PLA2G6: variants seen among roughly 807,000 people sequenced by gnomAD.
The protein encoded by PLA2G6 is 85/88 kDa calcium-independent phospholipase A2.
Under a neutral mutation model 83.8 loss-of-function variants are expected in PLA2G6, and 62 were observed. The observed-to-expected ratio is 0.74, with a 90% CI of 0.60 to 0.91. The LOEUF is 0.91. Among genes scored for constraint, PLA2G6 ranks in the 40% least tolerant of loss-of-function variants. The pLI, the probability that PLA2G6 is intolerant of heterozygous loss-of-function variation, is 0.00. For missense variants in PLA2G6, 944 were observed against 1,102.0 expected, an observed-to-expected ratio of 0.86 and a Z score of 2.03; for synonymous variants, 417 against 449.8, an observed-to-expected ratio of 0.93 and a Z score of 0.92.
chr22:38,127,287 A>G, intron 9 of PLA2G6: 1 of 1,252,528 alleles, frequency 8.0e-7, no homozygotes. Context: ...GGCCGGGGAC[A>G]GGGTGCAGGG....
In PLA2G6 at chr22:38,181,676, G is replaced by A. The variant is rs1051805575; in HGVS notation, c.-58C>T. 2 of 152,280 alleles carry A rather than the reference G, an allele frequency of 1.3e-5. No homozygotes were observed. Among genetic ancestry groups the A allele is most frequent in the African/African-American group, 4.8e-5 (2 of 41,466 alleles). 9.4% of individuals were successfully genotyped at this position (152,280 alleles called of 1,614,324 possible). On this transcript the variant is annotated 5_prime_UTR_variant, in exon 1 of 17. Transcript: ENST00000332509. The stretch of plus-strand genomic sequence containing the variant: ...ATGGAGGACATGCCTCAGAATCGGA[G>A]ACACGAGGAATATCCAAAGGAGGGT...
chr22:38,129,491 C>T lies in PLA2G6; in HGVS notation c.1149G>A (p.Gly383=), dbSNP rs2088076581. 6.2e-7 allele frequency: 1 copy of T among 1,613,932 alleles called. No individual in the cohort carries two copies. Among genetic ancestry groups the T allele is most frequent in the Non-Finnish European group, 8.5e-7 (1 of 1,179,792 alleles). ...TGGAGGCTAGGAATGTAGGAGTCTC[C>T]CCAAAGTCATTCGGGGTGTCCACTT... The part of the protein sequence containing the change: ...GAEVDTPNDF[G]ETPTFLASKI... The change falls in exon 8 of 17, where the codon GGG becomes GGA. Residue 383 remains glycine, a synonymous_variant. Transcript: ENST00000332509.
chr22:38,111,594 T>G lies in PLA2G6; in HGVS notation c.*567A>C, dbSNP rs2086873642. The G allele has an allele frequency of 5.8e-6, 1 of 172,648 alleles. No homozygotes were observed. 10.7% of individuals were successfully genotyped at this position (172,648 alleles called of 1,614,324 possible). ...AGTGACCTTTGAGAGCTGAGGGTTC[T>G]CGGGGTGGGGCAGTGTGAGGGGCTG... On this transcript the variant is annotated 3_prime_UTR_variant, in exon 17 of 17. Coordinates refer to ENST00000332509, the MANE Select transcript of PLA2G6 (RefSeq NM_003560.4).
chr22:38,145,304 C>A, intron 3 of PLA2G6, 134 bp downstream of exon 3: 1 of 780,056 alleles, frequency 1.3e-6, no homozygotes, highest in Non-Finnish European at 2.2e-6. Context: ...GCTGGGACTG[C>A]GTTAGTGAGC....
chr22:38,128,164 T>A lies in PLA2G6; in HGVS notation c.1348+105A>T. On this transcript the variant is annotated intron_variant, in intron 9 of 16. Transcript: ENST00000332509. This position sits in a 1 kb window ranked among gnomAD's most constrained non-coding sequence, Gnocchi z 4.4. The stretch of plus-strand genomic sequence containing the variant: ...TCCGGCCCCATCCTCCCCGGCTTCC[T>A]TTAGTGACTTCCGTCCTAGGGATCC... 1.6e-6 allele frequency: 2 copies of A among 1,270,764 alleles called. No individual in the cohort carries two copies. Among genetic ancestry groups the A allele is most frequent in the Non-Finnish European group, 2.3e-6 (2 of 876,946 alleles). The allele number at this position is 1,270,764 out of a possible 1,614,324, so 78.7% of individuals were successfully genotyped here. A position where few individuals can be genotyped will look rare whatever the true frequency, so the allele number is the denominator to read the frequency against.
At position 38,128,860 on chromosome 22, in the gene PLA2G6, G is replaced by A. The variant is rs1391097234; in HGVS notation, c.1187-430C>T. 2.0e-5 allele frequency among the ~76,000 whole-genome samples: 3 copies of A among 152,314 alleles called. No homozygotes were observed. The highest frequency in any genetic ancestry group is 4.4e-5 in the Non-Finnish European group (3 of 68,028). ...TTGCTGAAAAGGAGGTCATAGATGC[G>A]GTGCATGCAGACACACACGTGTGCA... On this transcript the variant is annotated intron_variant, in intron 8 of 16. Coordinates refer to ENST00000332509, the MANE Select transcript of PLA2G6 (RefSeq NM_003560.4). The surrounding 1 kb of genome is among the most constrained non-coding windows in gnomAD (Gnocchi z 4.4).
At chr22:38,116,359 C>T (rs1438507471) in intron 12 of PLA2G6, 148 bp from the exon 13 acceptor site, 7 of 858,494 alleles carry the variant, frequency 8.2e-6, no homozygotes, top group East Asian at 2.6e-5. Flanking sequence ...GCACCATCCC[C>T]GCAAAACAGG....
At chr22:38,114,903 C>G (rs937881046) in intron 14 of PLA2G6, among the ~76,000 whole-genome samples, 10 of 152,222 alleles carry the variant, frequency 6.6e-5, no homozygotes, top group Admixed American at 5.2e-4. Flanking sequence ...GGCGCCCTGG[C>G]TCCAGGGTCT....
At chr22:38,127,151 G>A (rs2087909230) in intron 9 of PLA2G6, 2 of 1,141,350 alleles carry the variant, frequency 1.8e-6, no homozygotes, top group African/African-American at 1.6e-5. Flanking sequence ...AACTCTGACA[G>A]CCCCCCACCA....
chr22:38,148,227 G>C, intron 2 of PLA2G6: 1 of 394,608 alleles, frequency 2.5e-6, no homozygotes, highest in Non-Finnish European at 4.7e-6. Context: ...GTGAGAATCT[G>C]AAGATTGCAA....
At chr22:38,145,786 C>CACGCAA in intron 2 of PLA2G6, 133 bp from the exon 3 acceptor site, 1 of 159,952 alleles carries the variant, frequency 6.3e-6, no homozygotes, top group Non-Finnish European at 1.2e-5. Flanking sequence ...CCCAAGCAAA[C>CACGCAA]ACACACACAC....
Position 38,115,670 on chromosome 22 carries a change from A to G in PLA2G6, c.1891T>C (p.Trp631Arg). The G allele has an allele frequency of 6.2e-7, 1 of 1,601,532 alleles. No individual in the cohort carries two copies. Among genetic ancestry groups the G allele is most frequent in the Non-Finnish European group, 8.5e-7 (1 of 1,175,246 alleles). The change falls in exon 14 of 17, where the codon TGG becomes CGG. Residue 631 changes from tryptophan to arginine, a missense_variant. By Grantham distance (101) the Trp-to-Arg change is moderately radical. Coordinates refer to ENST00000332509, the MANE Select transcript of PLA2G6 (RefSeq NM_003560.4). ...GCCCCGCTGCTTCGGGCCGCCCGCC[A>G]CACCAGCTGGTCTAGGGGCGGGGAA... ...PPAQPSDQLVWRAARSSGAAP... is the reference protein window; with the variant it reads ...PPAQPSDQLVRRAARSSGAAP...
Position 38,132,923 on chromosome 22 carries a change from G to T in PLA2G6, c.985C>A (p.Arg329Ser). 6.4e-7 allele frequency: 1 copy of T among 1,558,748 alleles called. No individual in the cohort carries two copies. The highest frequency in any genetic ancestry group is 8.7e-7 in the Non-Finnish European group (1 of 1,151,830). ...TALHVAVMRN[R>S]FDCAIVLLTH... ...AGCAGCACTATGGCACAGTCGAAGC[G>T]GTTGCGCATCACCGCCACGTGCAGG... Residue 329 changes from arginine (R) to serine (S), a missense_variant, in exon 7 of 17, where the codon CGC (arginine) becomes AGC (serine). Physicochemically the swap from Arg to Ser is moderately radical, Grantham distance 110. Transcript: ENST00000332509. This position sits in a 1 kb window ranked among gnomAD's most constrained non-coding sequence, Gnocchi z 5.0.
chr22:38,160,391 G>A (rs1229169167), intron 2 of PLA2G6, among the ~76,000 whole-genome samples: 1 of 152,066 alleles, frequency 6.6e-6, no homozygotes, highest in African/African-American at 2.4e-5. Flanking sequence ...ATGCATGTAT[G>A]CACCAAAAAA....
intron 2 of PLA2G6, among the ~76,000 whole-genome samples, chr22:38,156,699 T>G (rs2089795230): frequency 6.6e-6 from 1 of 152,104 alleles, no homozygotes. Flanking sequence ...GTGATCTGCC[T>G]GCCTCGGCCT....
chr22:38,142,922 G>T, intron 4 of PLA2G6, 183 bp downstream of exon 4: 1 of 726,364 alleles, frequency 1.4e-6, no homozygotes, highest in Non-Finnish European at 2.5e-6. Context: ...CGTGGCTCCT[G>T]GAAAAGGGCT....
intron 4 of PLA2G6, chr22:38,141,575 T>C (rs1367728925): frequency 6.7e-6 from 1 of 150,184 alleles, no homozygotes; most frequent in Non-Finnish European, 1.5e-5. Context: ...TTTGTGGCCC[T>C]CCCTGGGCAC....
intron 1 of PLA2G6, among the ~76,000 whole-genome samples, chr22:38,180,133 G>A (rs954748500): frequency 9.6e-5 from 13 of 135,190 alleles, no homozygotes; most frequent in African/African-American, 3.9e-4. Context: ...CCCAATAGAT[G>A]TCTGCAGACA....
At chr22:38,126,815 G>GC (rs1359939887) in intron 9 of PLA2G6, 4 of 353,176 alleles carry the variant, frequency 1.1e-5, no homozygotes, top group African/African-American at 6.3e-5. Context: ...AGCCGATGCT[G>GC]CAATAACCAC....
Sources: allele counts gnomAD v4.1 joint callset (sites outside exome capture counted in the v4.1 genomes callset), GRCh38; gene constraint gnomAD v4.1.1; non-coding constraint Gnocchi (gnomAD v3.1); transcripts MANE v1.5; gene names NCBI Gene and HGNC (gene_info 2026-07-23, HGNC 2026-07-21).